ANKRD31: variants seen among roughly 807,000 people sequenced by gnomAD.
The protein encoded by ANKRD31 is ankyrin repeat domain 31, also known as ankyrin repeat domain-containing protein 31.
A neutral mutation model predicts 186.0 loss-of-function variants in ANKRD31; 147 were observed. The ratio of observed to expected loss-of-function variants is 0.79; its 90% CI spans 0.69 to 0.91. The LOEUF is 0.91. Among genes scored for constraint, ANKRD31 ranks in the 40% least tolerant of loss-of-function variants. The probability of loss-of-function intolerance (pLI) is 0.00; values close to 1 mark genes in which losing one functional copy is unlikely to be tolerated. For missense variants in ANKRD31, 1,986 were observed against 2,148.8 expected (o/e 0.92, Z 1.50); for synonymous variants, 673 against 736.4 (o/e 0.91, Z 1.39).
chr5:75,182,821 G>A (rs1388421191), intron 10 of ANKRD31, among the ~76,000 whole-genome samples: 1 of 151,924 alleles, frequency 6.6e-6, no homozygotes. Flanking sequence ...GAAAGATAAG[G>A]TAAATATAAA....
At chr5:75,225,234 T>C (rs562002727) in intron 2 of ANKRD31, among the ~76,000 whole-genome samples, 6 of 152,334 alleles carry the variant, frequency 3.9e-5, no homozygotes, top group African/African-American at 1.4e-4. Context: ...TATTTTGTAA[T>C]AGTATTGAAA....
intron 8 of ANKRD31, 117 bp downstream of exon 8, chr5:75,193,194 A>G: frequency 4.1e-6 from 5 of 1,213,556 alleles, no homozygotes; most frequent in Non-Finnish European, 5.6e-6. Flanking sequence ...CAATAATATA[A>G]AAAATAAAGC....
intron 11 of ANKRD31, among the ~76,000 whole-genome samples, chr5:75,158,983 G>GA (rs1463295253): frequency 2.0e-5 from 3 of 151,742 alleles, no homozygotes; most frequent in Non-Finnish European, 4.4e-5. Context: ...AAAGAATTAA[G>GA]AAAAAATATG....
rs80011569 is a variant in ANKRD31 at position 75,116,663 on chromosome 5, C to T, written c.4058G>A (p.Arg1353Gln). 3.1e-3 allele frequency: 4,414 copies of T among 1,410,242 alleles called. 104 individuals are homozygous for T. In the African/African-American group the frequency reaches 0.053, roughly 17 times the overall value. The allele number at this position is 1,410,242 out of a possible 1,614,324, so 87.4% of individuals were successfully genotyped here. A position where few individuals can be genotyped will look rare whatever the true frequency, so the allele number is the denominator to read the frequency against. Residue 1353 changes from arginine to glutamine, a missense_variant, in exon 19 of 26, where the codon CGG becomes CAG. Transcript: ENST00000506364. ...AIVNEKIPAVRSKRHKQCFCD... is the reference protein window; with the variant it reads ...AIVNEKIPAVQSKRHKQCFCD... Reference sequence around the variant, plus strand: ...AAAACACTGTTTATGTCTTTTAGACCGGACAGCAGGAATTTTTTCTTTAAA... The same window carrying T: ...AAAACACTGTTTATGTCTTTTAGACTGGACAGCAGGAATTTTTTCTTTAAA...
chr5:75,113,982 G>A (rs950173979), intron 19 of ANKRD31, among the ~76,000 whole-genome samples: 1 of 152,144 alleles, frequency 6.6e-6, no homozygotes, highest in Admixed American at 6.6e-5. Flanking sequence ...GATGTACTCA[G>A]TCTCGGACAC....
At chr5:75,131,174 C>A (rs1341522430) in intron 17 of ANKRD31, among the ~76,000 whole-genome samples, 1 of 152,148 alleles carries the variant, frequency 6.6e-6, no homozygotes, top group Non-Finnish European at 1.5e-5. Flanking sequence ...CACACCTCCC[C>A]ATGAGAAGAG....
In ANKRD31 at chr5:75,146,268, T is replaced by C. The variant is rs1003677088; in HGVS notation, c.3143A>G (p.Gln1048Arg). Residue 1048 changes from glutamine to arginine, a missense_variant, in exon 14 of 26, where the codon CAA becomes CGA. Gln to Arg is a conservative substitution (Grantham distance 43, BLOSUM62 1). Coordinates refer to ENST00000506364, the MANE Select transcript of ANKRD31 (RefSeq NM_001372053.1). ...IPRAPTFLMN[Q>R]TDTHIVEKMA... ...CTTTTCCACAATATGTGTATCTGTT[T>C]GATTCATTAAAAAAGTTGGTGCTCT... 4 of 1,536,386 alleles carry C rather than the reference T, an allele frequency of 2.6e-6. No homozygotes were observed. The highest frequency in any genetic ancestry group is 1.4e-5 in the African/African-American group (1 of 72,986).
intron 3 of ANKRD31, among the ~76,000 whole-genome samples, chr5:75,220,714 G>C (rs1460544635): frequency 6.6e-6 from 1 of 151,090 alleles, no homozygotes; most frequent in Admixed American, 6.6e-5. Flanking sequence ...TGGCCAACAA[G>C]CATCCAAAAA....
chr5:75,182,719 T>TA (rs74813977), intron 10 of ANKRD31, among the ~76,000 whole-genome samples: 150 of 124,788 alleles, frequency 1.2e-3, no homozygotes, highest in East Asian at 1.1e-3. Context: ...GAGTCCAACT[T>TA]AAAAAAAAAA....
rs565377660 is a variant in ANKRD31 at position 75,134,478 on chromosome 5, C to T, written c.3876+3378G>A. Among the ~76,000 whole-genome samples, 5 of 152,100 alleles carry T rather than the reference C, an allele frequency of 3.3e-5. No individual in the cohort carries two copies. In the South Asian group the frequency reaches 6.2e-4, roughly 19 times the overall value. On this transcript the variant is annotated intron_variant, in intron 17 of 25. Transcript: ENST00000506364. ...GACTAAACCAGGAAGAAGTTGAATC[C>T]CTGAATGGACCAATAACAGGCTCTG...
chr5:75,116,644 CT>C lies in ANKRD31; in HGVS notation c.4076del (p.Gln1359ArgfsTer38), dbSNP rs1561438130. 1 of 1,447,614 alleles carries C rather than the reference CT, an allele frequency of 6.9e-7. No individual in the cohort carries two copies. The highest frequency in any genetic ancestry group is 1.5e-5 in the South Asian group (1 of 65,848). 89.7% of individuals were successfully genotyped at this position (1,447,614 alleles called of 1,614,324 possible). ...TAGTTTTGCCATCATCACAAAAACA[CT>C]GTTTATGTCTTTTAGACCGGACAGC... ...IPAVRSKRHK[Q>X]CFCDDGKTID... On this transcript the variant is annotated frameshift_variant, in exon 19 of 26. Transcript: ENST00000506364. LOFTEE classifies it high-confidence loss of function.
intron 3 of ANKRD31, among the ~76,000 whole-genome samples, chr5:75,221,930 A>T (rs1310488750): frequency 6.6e-6 from 1 of 152,236 alleles, no homozygotes; most frequent in Non-Finnish European, 1.5e-5. Context: ...CTTCCAGTCA[A>T]CAGTAGGCTA....
intron 19 of ANKRD31, among the ~76,000 whole-genome samples, chr5:75,115,099 C>T (rs868283916): frequency 9.2e-5 from 14 of 151,502 alleles, no homozygotes; most frequent in East Asian, 7.8e-4. Flanking sequence ...TCAGAAATAA[C>T]GCTGCATATC....
At chr5:75,196,499 C>A (rs1431315622) in intron 6 of ANKRD31, among the ~76,000 whole-genome samples, 1 of 152,124 alleles carries the variant, frequency 6.6e-6, no homozygotes, top group South Asian at 2.1e-4. Context: ...ACAGAAGAAG[C>A]AGAGATGGCA....
At chr5:75,191,815 T>G (rs1445456723) in intron 9 of ANKRD31, among the ~76,000 whole-genome samples, 2 of 152,104 alleles carry the variant, frequency 1.3e-5, no homozygotes, top group African/African-American at 4.8e-5. Flanking sequence ...ATAAATGAGA[T>G]AGTCTTTTAC....
chr5:75,144,760 T>C (rs1751308307), intron 14 of ANKRD31, among the ~76,000 whole-genome samples: 1 of 152,024 alleles, frequency 6.6e-6, no homozygotes, highest in Non-Finnish European at 1.5e-5. Context: ...CTAATTAAAC[T>C]AAAGAGCTTC....
At chr5:75,137,636 T>C (rs1750697677) in intron 17 of ANKRD31, among the ~76,000 whole-genome samples, 1 of 152,172 alleles carries the variant, frequency 6.6e-6, no homozygotes, top group Admixed American at 6.6e-5. Context: ...CTGACTTGCA[T>C]GTATTTTGTG....
intron 7 of ANKRD31, 47 bp from the exon 8 acceptor site, chr5:75,193,638 A>T: frequency 6.8e-7 from 1 of 1,476,044 alleles, no homozygotes; most frequent in Non-Finnish European, 8.9e-7. Flanking sequence ...CACTGCAAAA[A>T]AATTAAAACT....
In ANKRD31 at chr5:75,104,531, G is replaced by A. The variant is rs1747172700; in HGVS notation, c.5028C>T (p.Asn1676=). The change falls in exon 22 of 26, where the codon AAC becomes AAT. Residue 1676 remains asparagine, a synonymous_variant. Coordinates refer to ENST00000506364, the MANE Select transcript of ANKRD31 (RefSeq NM_001372053.1). ...DLSNYDPKRG[N]RKTSSQQSPT... Reference sequence around the variant, plus strand: ...GTGATTGCTGGGAACTTGTTTTTCTGTTTCCTCTTTTGGGATCATAATTGG... The same window carrying A: ...GTGATTGCTGGGAACTTGTTTTTCTATTTCCTCTTTTGGGATCATAATTGG... 6.5e-7 allele frequency: 1 copy of A among 1,536,860 alleles called. No homozygotes were observed. The highest frequency in any genetic ancestry group is 8.7e-7 in the Non-Finnish European group (1 of 1,146,814).
Sources: gnomAD v4.1 joint callset for allele counts (sites outside exome capture counted in the v4.1 genomes callset) on GRCh38, gnomAD v4.1.1 for gene constraint, MANE v1.5 for transcripts, NCBI Gene and HGNC (gene_info 2026-07-23, HGNC 2026-07-21) for gene names.